SORCS1: variants seen among roughly 807,000 people sequenced by gnomAD.
SORCS1 encodes sortilin related VPS10 domain containing receptor 1.
SORCS1 carries 60 observed loss-of-function variants against 146.1 expected under a neutral mutation model. The observed-to-expected ratio is 0.41, with a 90% CI of 0.33 to 0.51. SORCS1 has a LOEUF of 0.51. SORCS1 is among the 20% of genes least tolerant of loss of function. The probability of loss-of-function intolerance (pLI) is 0.21; values close to 1 mark genes in which losing one functional copy is unlikely to be tolerated. For synonymous variants in SORCS1, 637 were observed against 584.0 expected (o/e 1.09, Z -1.31); for missense variants, 1,352 against 1,487.6 (o/e 0.91, Z 1.50).
chr10:106,763,088 G>A lies in SORCS1; in HGVS notation c.886-1427C>T, dbSNP rs150798630. Reference sequence around the variant, plus strand: ...TGTGCCTATGTCATATAGATATATCGATATTTAGTAACATACAAAAATTAA... The same window carrying A: ...TGTGCCTATGTCATATAGATATATCAATATTTAGTAACATACAAAAATTAA... On this transcript the variant is annotated intron_variant, in intron 4 of 25. Transcript: ENST00000263054. Among the ~76,000 whole-genome samples the A allele has an allele frequency of 3.8e-3, 574 of 152,038 alleles. 9 individuals are homozygous for A. The highest frequency in any genetic ancestry group is 3.5e-3 in the Admixed American group (54 of 15,260).
intron 1 of SORCS1, among the ~76,000 whole-genome samples, chr10:107,040,565 A>T (rs2133987558): frequency 6.6e-6 from 1 of 152,334 alleles, no homozygotes; most frequent in East Asian, 1.9e-4. Context: ...TAGTTTATAA[A>T]GACAAGAAAA....
At chr10:107,100,391 G>C (rs959329027) in intron 1 of SORCS1, among the ~76,000 whole-genome samples, 11 of 152,020 alleles carry the variant, frequency 7.2e-5, no homozygotes, top group Non-Finnish European at 1.0e-4. Flanking sequence ...GCGGGCGCCT[G>C]TAGTCCCAGC....
intron 2 of SORCS1, among the ~76,000 whole-genome samples, chr10:106,902,027 G>C (rs906549084): frequency 6.6e-6 from 1 of 151,364 alleles, no homozygotes; most frequent in African/African-American, 2.4e-5. Flanking sequence ...TTGGGTGACA[G>C]AGCGAGACTC....
chr10:106,593,053 C>T (rs978166321), intron 24 of SORCS1, among the ~76,000 whole-genome samples: 1 of 150,196 alleles, frequency 6.7e-6, no homozygotes, highest in Non-Finnish European at 1.5e-5. Flanking sequence ...GGCTTGAGCC[C>T]AGGGGGCAGA....
At chr10:106,755,121 T>C (rs1589810098) in intron 5 of SORCS1, among the ~76,000 whole-genome samples, 1 of 152,154 alleles carries the variant, frequency 6.6e-6, no homozygotes, top group Non-Finnish European at 1.5e-5. Flanking sequence ...TGGCAGGAGG[T>C]TTCCTTATTT....
At chr10:106,971,276 C>T (rs942634195) in intron 1 of SORCS1, among the ~76,000 whole-genome samples, 4 of 152,150 alleles carry the variant, frequency 2.6e-5, no homozygotes, top group African/African-American at 9.7e-5. Flanking sequence ...ACGCCAGTGC[C>T]CCATATCCTC....
chr10:106,991,413 A>C (rs1956766810), intron 1 of SORCS1, among the ~76,000 whole-genome samples: 1 of 152,220 alleles, frequency 6.6e-6, no homozygotes. Context: ...GAGCACTTCT[A>C]GTTGGATTTA....
chr10:106,727,824 T>G (rs565651644), intron 6 of SORCS1, among the ~76,000 whole-genome samples: 3 of 152,184 alleles, frequency 2.0e-5, no homozygotes, highest in South Asian at 4.1e-4. Context: ...GTATTCCAGA[T>G]AGAGAAAACA....
At chr10:106,820,160 G>A (rs768935049) in intron 3 of SORCS1, among the ~76,000 whole-genome samples, 7 of 152,094 alleles carry the variant, frequency 4.6e-5, no homozygotes, top group South Asian at 2.1e-4. Context: ...ATTTCCTGGT[G>A]CCAGATGCCA....
intron 2 of SORCS1, among the ~76,000 whole-genome samples, chr10:106,924,493 C>CTATCTATG (rs1554885248): frequency 6.6e-6 from 1 of 151,928 alleles, no homozygotes; most frequent in African/African-American, 2.4e-5. Context: ...ATCTATCTAT[C>CTATCTATG]TATCTATCTA....
intron 2 of SORCS1, among the ~76,000 whole-genome samples, chr10:106,952,388 T>C (rs1256376981): frequency 2.0e-5 from 3 of 151,910 alleles, no homozygotes; most frequent in African/African-American, 7.3e-5. Context: ...CTCAGAACCA[T>C]AAGGCTTTCT....
At chr10:106,743,140 T>C (rs1035162841) in intron 5 of SORCS1, among the ~76,000 whole-genome samples, 2 of 151,312 alleles carry the variant, frequency 1.3e-5, no homozygotes, top group African/African-American at 4.9e-5. Flanking sequence ...AATATCTCAA[T>C]GTGACAAAGA....
intron 3 of SORCS1, among the ~76,000 whole-genome samples, chr10:106,787,555 G>A (rs1351211464): frequency 6.6e-6 from 1 of 152,140 alleles, no homozygotes; most frequent in Non-Finnish European, 1.5e-5. Context: ...TCTGCTCCAA[G>A]TTATTACCAA....
intron 2 of SORCS1, among the ~76,000 whole-genome samples, chr10:106,849,478 T>C (rs1949452665): frequency 2.1e-5 from 3 of 144,806 alleles, no homozygotes; most frequent in South Asian, 4.6e-4. Flanking sequence ...ATTCTAGTTA[T>C]ACATTCTTCT....
intron 10 of SORCS1, among the ~76,000 whole-genome samples, chr10:106,683,586 G>C (rs978334349): frequency 6.6e-6 from 1 of 152,140 alleles, no homozygotes; most frequent in African/African-American, 2.4e-5. Context: ...AACTTTAAAA[G>C]CTGTTATATT....
chr10:106,879,366 A>G (rs988045071), intron 2 of SORCS1, among the ~76,000 whole-genome samples: 1 of 152,188 alleles, frequency 6.6e-6, no homozygotes. Context: ...CCATTCAGTT[A>G]TTATATATTA....
intron 2 of SORCS1, among the ~76,000 whole-genome samples, chr10:106,908,295 A>G (rs1952001202): frequency 6.6e-6 from 1 of 152,138 alleles, no homozygotes; most frequent in East Asian, 1.9e-4. Flanking sequence ...TAACTGGCAT[A>G]TGTCTTAAAT....
At chr10:106,781,691 C>T (rs1223557335) in intron 3 of SORCS1, among the ~76,000 whole-genome samples, 1 of 152,142 alleles carries the variant, frequency 6.6e-6, no homozygotes, top group Non-Finnish European at 1.5e-5. Flanking sequence ...CATCTGCTGA[C>T]CAATGAGGGT....
intron 6 of SORCS1, among the ~76,000 whole-genome samples, chr10:106,726,856 A>G (rs1304852865): frequency 6.6e-6 from 1 of 151,902 alleles, no homozygotes; most frequent in Non-Finnish European, 1.5e-5. Context: ...GGAGGCCGAG[A>G]CGGGCGGATC....
Sources: gnomAD v4.1 joint callset for allele counts (sites outside exome capture counted in the v4.1 genomes callset) on GRCh38, gnomAD v4.1.1 for gene constraint, MANE v1.5 for transcripts, NCBI Gene and HGNC (gene_info 2026-07-23, HGNC 2026-07-21) for gene names.